The following IRAK1BP1 variants were observed in gnomAD, a reference collection of about 807,000 sequenced individuals.
IRAK1BP1 encodes the protein interleukin 1 receptor associated kinase 1 binding protein 1.
A neutral mutation model predicts 28.0 loss-of-function variants in IRAK1BP1; 24 were observed. The ratio of observed to expected loss-of-function variants is 0.86; its 90% CI spans 0.62 to 1.20. The LOEUF (loss-of-function observed/expected upper bound fraction) is 1.20. Ranked by LOEUF, IRAK1BP1 falls within the 50% of genes most tolerant of loss-of-function variation. The pLI is 0.00. For synonymous variants in IRAK1BP1, 131 were observed against 116.3 expected, an observed-to-expected ratio of 1.13 and a Z score of -0.81; for missense variants, 336 against 316.7, an observed-to-expected ratio of 1.06 and a Z score of -0.46.
intron 1 of IRAK1BP1, among the ~76,000 whole-genome samples, chr6:78,872,423 T>C (rs1770825188): frequency 6.6e-6 from 1 of 152,218 alleles, no homozygotes; most frequent in Non-Finnish European, 1.5e-5. Flanking sequence ...GGTCACAACA[T>C]GAATGTCCTC....
At chr6:78,965,058 A>G in the IRAK1BP1 span, among the ~76,000 whole-genome samples, 2 of 152,178 alleles carry the variant, frequency 1.3e-5, no homozygotes, top group Admixed American at 6.5e-5. Flanking sequence ...CTCACTGCCT[A>G]AGGCTAATTA....
chr6:78,933,640 T>C (rs1773145212), intron 4 of IRAK1BP1, among the ~76,000 whole-genome samples: 1 of 149,826 alleles, frequency 6.7e-6, no homozygotes, highest in African/African-American at 2.4e-5. Context: ...ACCAAAACCA[T>C]CATGAACCAA....
chr6:78,940,288 A>C (rs1179342291), intron 4 of IRAK1BP1: 1 of 151,926 alleles, frequency 6.6e-6, no homozygotes, highest in Non-Finnish European at 1.5e-5. Context: ...CACTTGGTCA[A>C]AAATAATTCA....
At chr6:78,915,657 A>G (rs1454140525) in intron 4 of IRAK1BP1, among the ~76,000 whole-genome samples, 2 of 152,174 alleles carry the variant, frequency 1.3e-5, no homozygotes, top group Admixed American at 6.5e-5. Context: ...CTTAGACTAC[A>G]TAGAGGTCAA....
At chr6:78,868,888 T>C (rs962546638) in intron 1 of IRAK1BP1, among the ~76,000 whole-genome samples, 1 of 152,296 alleles carries the variant, frequency 6.6e-6, no homozygotes, top group South Asian at 2.1e-4. Flanking sequence ...AGGATGACAT[T>C]GAGTTGGTAA....
intron 1 of IRAK1BP1, among the ~76,000 whole-genome samples, chr6:78,874,734 A>G (rs918546353): frequency 3.9e-5 from 6 of 152,272 alleles, no homozygotes; most frequent in African/African-American, 1.4e-4. Flanking sequence ...ATAATGGCTG[A>G]TTTTACAGTG....
chr6:78,978,537 A>C, the IRAK1BP1 span: 2 of 1,447,678 alleles, frequency 1.4e-6, no homozygotes, highest in Non-Finnish European at 1.9e-6. Context: ...AGAGCTGTTA[A>C]AAAATGTTTA....
At position 78,867,753 on chromosome 6, in the gene IRAK1BP1, A is replaced by C. The variant is rs1344386111; in HGVS notation, c.177A>C (p.Ser59=). The change falls in exon 1 of 4, where the codon TCA becomes TCC. Residue 59 remains serine (S), a synonymous_variant. Coordinates refer to ENST00000369940, the MANE Select transcript of IRAK1BP1 (RefSeq NM_001010844.4). ...ATREVQVSGT[S]EVSAGPDRAQ... is the part of the protein sequence containing the mutation. ...GCGAGGTGCAAGTAAGCGGCACCTCAGAAGTGTCTGCGGGCCCTGACCGGG... is the reference window on the plus strand; with the variant it reads ...GCGAGGTGCAAGTAAGCGGCACCTCCGAAGTGTCTGCGGGCCCTGACCGGG... 1.9e-6 allele frequency: 3 copies of C among 1,614,224 alleles called. No homozygotes were observed. Among genetic ancestry groups the C allele is most frequent in the Non-Finnish European group, 2.5e-6 (3 of 1,180,036 alleles).
intron 2 of IRAK1BP1, among the ~76,000 whole-genome samples, chr6:78,893,349 T>TATATATA (rs1771752026): frequency 2.4e-5 from 3 of 125,742 alleles, no homozygotes; most frequent in Admixed American, 8.3e-5. Context: ...TATATATATA[T>TATATATA]CAACGAAGAG....
chr6:78,972,684 GGAGCTGATA>G, the IRAK1BP1 span, among the ~76,000 whole-genome samples: 1 of 152,332 alleles, frequency 6.6e-6, no homozygotes, highest in East Asian at 1.9e-4. Context: ...AGTGCTTAAA[GGAGCTGATA>G]GAGCTGAAAA....
downstream of IRAK1BP1, among the ~76,000 whole-genome samples, chr6:78,903,433 G>T (rs1006737001): frequency 6.6e-6 from 1 of 152,184 alleles, no homozygotes; most frequent in East Asian, 1.9e-4. Flanking sequence ...AGAGGTTATA[G>T]TGAGCTGAGA....
chr6:78,969,104 A>C, the IRAK1BP1 span, among the ~76,000 whole-genome samples: 2 of 152,240 alleles, frequency 1.3e-5, no homozygotes, highest in African/African-American at 4.8e-5. Flanking sequence ...CATGAGATGT[A>C]AATTTTCTTT....
Position 78,943,159 on chromosome 6 carries a change from G to A in IRAK1BP1, c.*68-2249G>A, listed in dbSNP as rs75021572. Among the ~76,000 whole-genome samples the A allele has an allele frequency of 7.1e-3, 1,085 of 152,018 alleles. 16 individuals are homozygous for A. The highest frequency in any genetic ancestry group is 0.025 in the African/African-American group (1,019 of 41,482). On this transcript the variant is annotated intron_variant and NMD_transcript_variant, in intron 4 of 4. Coordinates refer to the IRAK1BP1 transcript ENST00000606868. Reference sequence around the variant, plus strand: ...AACTTTACCTGTTTTTACTGAACATGGTGAGTACAAAATTTAAAATTACAT... The same window carrying A: ...AACTTTACCTGTTTTTACTGAACATAGTGAGTACAAAATTTAAAATTACAT...
intron 1 of IRAK1BP1, among the ~76,000 whole-genome samples, chr6:78,882,531 G>A (rs965787713): frequency 4.6e-5 from 7 of 152,104 alleles, no homozygotes; most frequent in Non-Finnish European, 8.8e-5. Context: ...GATTAAAAAG[G>A]CATTTCACCT....
intron 4 of IRAK1BP1, among the ~76,000 whole-genome samples, chr6:78,928,378 TA>T (rs1189303846): frequency 6.6e-6 from 1 of 152,228 alleles, no homozygotes; most frequent in Admixed American, 6.5e-5. Flanking sequence ...CCTGCAACTT[TA>T]CTGACTTTGC....
intron 1 of IRAK1BP1, 99 bp downstream of exon 1, chr6:78,867,990 G>T: frequency 7.7e-7 from 1 of 1,291,294 alleles, no homozygotes. Context: ...GGGAGATGTG[G>T]AGGGTCTGGA....
chr6:78,972,896 C>T, the IRAK1BP1 span, among the ~76,000 whole-genome samples: 4 of 152,132 alleles, frequency 2.6e-5, no homozygotes, highest in South Asian at 2.1e-4. Flanking sequence ...ACCAAATCTA[C>T]GTCTGATTGG....
downstream of IRAK1BP1, chr6:78,947,533 G>T: frequency 1.6e-6 from 1 of 627,338 alleles, no homozygotes; most frequent in Non-Finnish European, 2.7e-6. Context: ...AGTTAACTTT[G>T]ACCTAAATTT....
chr6:78,867,594 C>G lies in IRAK1BP1; in HGVS notation c.18C>G (p.Thr6=). 3 of 1,613,858 alleles carry G rather than the reference C, an allele frequency of 1.9e-6. No individual in the cohort carries two copies. The highest frequency in any genetic ancestry group is 2.5e-6 in the Non-Finnish European group (3 of 1,179,904). The part of the protein sequence containing the change: MSLQK[T]PPTRVFVELV... ...CCATCGCTATGTCTCTGCAAAAGAC[C>G]CCTCCGACCCGAGTGTTCGTGGAAC... The change falls in exon 1 of 4, where the codon ACC becomes ACG. Residue 6 remains threonine, a synonymous_variant. Coordinates refer to ENST00000369940, the MANE Select transcript of IRAK1BP1 (RefSeq NM_001010844.4).
Sources: gnomAD v4.1 joint callset for allele counts (sites outside exome capture counted in the v4.1 genomes callset) on GRCh38, gnomAD v4.1.1 for gene constraint, MANE v1.5 for transcripts, NCBI Gene and HGNC (gene_info 2026-07-23, HGNC 2026-07-21) for gene names.